MMP8: variants seen among roughly 807,000 people sequenced by gnomAD.
MMP8 encodes the protein matrix metallopeptidase 8.
A neutral mutation model predicts 51.2 loss-of-function variants in MMP8; 67 were observed. The observed-to-expected ratio is 1.31, with a 90% CI of 1.08 to 1.60. The LOEUF (loss-of-function observed/expected upper bound fraction) is 1.60, where lower values mean the gene tolerates loss of function less well. Among genes scored for constraint, MMP8 ranks in the 40% most tolerant of loss-of-function variants. The pLI, the probability that MMP8 is intolerant of heterozygous loss-of-function variation, is 0.00. For missense variants in MMP8, 654 were observed against 558.1 expected (o/e 1.17, Z -1.73); for synonymous variants, 225 against 191.0 (o/e 1.18, Z -1.47).
rs1861178396 is a variant in MMP8, at chr11:102,713,287, A to C, written c.*61T>G. Reference sequence around the variant, plus strand: ...TATAAGCAGGACACAATGTAACGAAAATGCTTGCTGAACTTCCCTTCAACA... The same window carrying C: ...TATAAGCAGGACACAATGTAACGAACATGCTTGCTGAACTTCCCTTCAACA... On this transcript the variant is annotated 3_prime_UTR_variant, in exon 10 of 10. Transcript: ENST00000236826. 8.6e-7 allele frequency: 1 copy of C among 1,164,258 alleles called. No homozygotes were observed. Among genetic ancestry groups the C allele is most frequent in the South Asian group, 1.2e-5 (1 of 81,458 alleles). 72.1% of individuals were successfully genotyped at this position (1,164,258 alleles called of 1,614,324 possible).
intron 5 of MMP8, among the ~76,000 whole-genome samples, chr11:102,717,364 CT>C (rs1167994575): frequency 6.6e-6 from 1 of 152,124 alleles, no homozygotes; most frequent in Non-Finnish European, 1.5e-5. Flanking sequence ...AAAAAAGTTT[CT>C]TTTTTTCTCT....
chr11:102,723,473 C>A (rs764562373), intron 1 of MMP8: 8 of 453,378 alleles, frequency 1.8e-5, no homozygotes, highest in Non-Finnish European at 3.1e-5. Context: ...GGCTGATTTT[C>A]TCTCACAATT....
intron 1 of MMP8, among the ~76,000 whole-genome samples, chr11:102,723,304 C>T (rs1215134962): frequency 6.6e-6 from 1 of 152,168 alleles, no homozygotes; most frequent in African/African-American, 2.4e-5. Context: ...TAAAAATTAC[C>T]TATTTTAAGT....
At position 102,721,526 on chromosome 11, in the gene MMP8, T is replaced by C; in HGVS notation, c.497A>G (p.Asp166Gly). ...ADINIAFYQR[D>G]HGDNSPFDGP... ...ATCAAATGGAGAATTGTCACCGTGA[T>C]CTGAAATAAGAACATTTGTATTAGA... The change falls in exon 4 of 10, where the codon GAT becomes GGT. Residue 166 changes from aspartate (D) to glycine (G), a missense_variant and splice_region_variant. Physicochemically the swap from Asp to Gly is moderately conservative, Grantham distance 94. Coordinates refer to ENST00000236826, the MANE Select transcript of MMP8 (RefSeq NM_002424.3). 2 of 1,613,852 alleles carry C rather than the reference T, an allele frequency of 1.2e-6. No individual in the cohort carries two copies. Among genetic ancestry groups the C allele is most frequent in the Non-Finnish European group, 1.7e-6 (2 of 1,179,814 alleles).
rs1371117816 is a variant in MMP8 at position 102,713,861 on chromosome 11, G to A, written c.1191-4C>T. 1.3e-6 allele frequency: 2 copies of A among 1,596,842 alleles called. No individual in the cohort carries two copies. The highest frequency in any genetic ancestry group is 1.7e-6 in the Non-Finnish European group (2 of 1,172,930). ...GAATTGTCTTTGGTTATCATATCTG[G>A]TAAAAACAAAATGTTATCCGATTTA... is the stretch of plus-strand genomic sequence containing the variant. On this transcript the variant is annotated splice_region_variant and splice_polypyrimidine_tract_variant and intron_variant, in intron 8 of 9. Coordinates refer to ENST00000236826, the MANE Select transcript of MMP8 (RefSeq NM_002424.3).
At chr11:102,722,764 T>C in intron 1 of MMP8, 91 bp from the exon 2 acceptor site, 1 of 1,517,438 alleles carries the variant, frequency 6.6e-7, no homozygotes, top group Non-Finnish European at 8.9e-7. Flanking sequence ...ACTACAGAGG[T>C]CTGATAACTT....
intron 6 of MMP8, 76 bp from the exon 7 acceptor site, chr11:102,715,513 C>A: frequency 6.5e-7 from 1 of 1,527,634 alleles, no homozygotes; most frequent in South Asian, 1.3e-5. Flanking sequence ...GACTTTTAGG[C>A]TAGTGATGGT....
chr11:102,721,703 G>T lies in MMP8; in HGVS notation c.407C>A (p.Ala136Asp), dbSNP rs753271060. ...TGATGCAACACTCCAGAGTTCAAAGGCATCCTTGATAGCTCTTTCTACCTC... is the reference window on the plus strand; with the variant it reads ...TGATGCAACACTCCAGAGTTCAAAGTCATCCTTGATAGCTCTTTCTACCTC... ...EAEVERAIKD[A>D]FELWSVASPL... The change falls in exon 3 of 10, where the codon GCC (alanine) becomes GAC (aspartate). Residue 136 changes from alanine (A) to aspartate (D), a missense_variant. Coordinates refer to ENST00000236826, the MANE Select transcript of MMP8 (RefSeq NM_002424.3). 3.7e-6 allele frequency: 6 copies of T among 1,613,796 alleles called. No homozygotes were observed. Among genetic ancestry groups the T allele is most frequent in the Admixed American group, 1.7e-5 (1 of 59,942 alleles).
At position 102,718,418 on chromosome 11, in the gene MMP8, G is replaced by C; in HGVS notation, c.780C>G (p.Ile260Met). 6.2e-7 allele frequency: 1 copy of C among 1,610,430 alleles called. No individual in the cohort carries two copies. Among genetic ancestry groups the C allele is most frequent in the Non-Finnish European group, 8.5e-7 (1 of 1,178,204 alleles). Residue 260 changes from isoleucine to methionine, a missense_variant, in exon 5 of 10, where the codon ATC (isoleucine) becomes ATG (methionine). Ile to Met is a conservative substitution (Grantham distance 10). Transcript: ENST00000236826. ...ACTCTCTTGAGAAGACCTTACCATA[G>C]ATGGCCTGAATGCCATCGATGTCAT... ...PQDDIDGIQAIYGLSSNPIQP... is the reference protein window; with the variant it reads ...PQDDIDGIQAMYGLSSNPIQP...
chr11:102,719,779 C>T (rs1861414891), intron 4 of MMP8, among the ~76,000 whole-genome samples: 1 of 152,158 alleles, frequency 6.6e-6, no homozygotes, highest in Non-Finnish European at 1.5e-5. Flanking sequence ...TGTTGTGGTT[C>T]TCTGCTCTAC....
chr11:102,721,506 A>C lies in MMP8; in HGVS notation c.517T>G (p.Phe173Val), dbSNP rs1861470044. ...YQRDHGDNSPFDGPNGILAHA... is the reference protein window; with the variant it reads ...YQRDHGDNSPVDGPNGILAHA... ...GCAAGGATTCCATTGGGTCCATCAA[A>C]TGGAGAATTGTCACCGTGATCTGAA... Residue 173 changes from phenylalanine to valine, a missense_variant, in exon 4 of 10, where the codon TTT becomes GTT. Transcript: ENST00000236826. The C allele has an allele frequency of 6.2e-7, 1 of 1,613,762 alleles. No homozygotes were observed. The highest frequency in any genetic ancestry group is 1.3e-5 in the African/African-American group (1 of 74,896).
At position 102,712,239 on chromosome 11, in the gene MMP8, G is replaced by A. The variant is rs12366109; in HGVS notation, c.*1109C>T. The A allele has an allele frequency of 0.18, 27,155 of 152,170 alleles. 3,125 individuals carry two copies. The highest frequency in any genetic ancestry group is 0.25 in the Non-Finnish European group (17,258 of 67,990). The allele number at this position is 152,170 out of a possible 1,614,324, so 9.4% of individuals were successfully genotyped here. A position where few individuals can be genotyped will look rare whatever the true frequency, so the allele number is the denominator to read the frequency against. On this transcript the variant is annotated 3_prime_UTR_variant, in exon 10 of 10. Transcript: ENST00000236826. ...AACATCAGATCCAACTGGCCCATTTGGGTTTGGACTCTAGGAGAGAGCAAG... is the reference window on the plus strand; with the variant it reads ...AACATCAGATCCAACTGGCCCATTTAGGTTTGGACTCTAGGAGAGAGCAAG...
At chr11:102,714,765 TATATATATATATA>T in intron 7 of MMP8, 56 bp from the exon 8 acceptor site, 1 of 9,012 alleles carries the variant, frequency 1.1e-4, no homozygotes, top group Non-Finnish European at 2.0e-4. Context: ...TACAAAATTA[TATATATATATATA>T]TATATATATA....
chr11:102,714,362 C>T (rs1861217342), intron 8 of MMP8, among the ~76,000 whole-genome samples, 194 bp downstream of exon 8: 1 of 152,040 alleles, frequency 6.6e-6, no homozygotes, highest in South Asian at 2.1e-4. Context: ...ATTGCATAGA[C>T]ATTTTAATTT....
rs1939017 is a variant in MMP8 at position 102,712,302 on chromosome 11, T to A, written c.*1046A>T. 35,042 of 152,348 alleles carry A rather than the reference T, an allele frequency of 0.23. 5,016 individuals are homozygous for A. The highest frequency in any genetic ancestry group is 0.51 in the East Asian group (2,610 of 5,158). 9.4% of individuals were successfully genotyped at this position (152,348 alleles called of 1,614,324 possible). A position where few individuals can be genotyped will look rare whatever the true frequency, so the allele number is the denominator to read the frequency against. On this transcript the variant is annotated 3_prime_UTR_variant, in exon 10 of 10. Transcript: ENST00000236826. ...GAGGAAGTGGTGGTTCTCTTTTGGC[T>A]GCTGTCCTGGGAAGATGCCCAGTAG...
In MMP8 at chr11:102,713,456, A is replaced by G. The variant is rs761114706; in HGVS notation, c.1296T>C (p.His432=). The stretch of plus-strand genomic sequence containing the variant: ...TTGGTCCACTGAAGACATGGAAGAA[A>G]TCTATAAAAAAAGAGAGATAATTTA... ...SKVDAVFQQE[H]FFHVFSGPRY... is the part of the protein sequence containing the mutation. Residue 432 remains histidine (H), a splice_region_variant and synonymous_variant, in exon 10 of 10, where the codon CAT becomes CAC. Coordinates refer to ENST00000236826, the MANE Select transcript of MMP8 (RefSeq NM_002424.3). 1 of 1,603,744 alleles carries G rather than the reference A, an allele frequency of 6.2e-7. No individual in the cohort carries two copies. Among genetic ancestry groups the G allele is most frequent in the East Asian group, 2.2e-5 (1 of 44,770 alleles).
chr11:102,719,510 T>A (rs1448706005), intron 4 of MMP8, among the ~76,000 whole-genome samples: 1 of 151,934 alleles, frequency 6.6e-6, no homozygotes, highest in Non-Finnish European at 1.5e-5. Context: ...AAGTGACTGA[T>A]GCCCATAGAT....
At chr11:102,724,123 G>A (rs1379382883) in intron 1 of MMP8, among the ~76,000 whole-genome samples, 1 of 152,114 alleles carries the variant, frequency 6.6e-6, no homozygotes, top group Non-Finnish European at 1.5e-5. Flanking sequence ...AAACTATAAT[G>A]CTAAGAAAAC....
Position 102,715,363 on chromosome 11 carries a change from G to T in MMP8, c.977C>A (p.Pro326Gln), listed in dbSNP as rs768665502. 5 of 1,613,676 alleles carry T rather than the reference G, an allele frequency of 3.1e-6. No individual in the cohort carries two copies. The highest frequency in any genetic ancestry group is 4.2e-6 in the Non-Finnish European group (5 of 1,179,776). The change falls in exon 7 of 10, where the codon CCA becomes CAA. Residue 326 changes from proline to glutamine, a missense_variant. Physicochemically the swap from Pro to Gln is moderately conservative, Grantham distance 76. Transcript: ENST00000236826. Reference protein sequence around the residue: ...NFISLFWPSLPTGIQAAYEDF... With the variant: ...NFISLFWPSLQTGIQAAYEDF... ...TTCATAAGCAGCCTGTATACCAGTTGGAAGGGATGGCCAGAATAGAGAAAT... is the reference window on the plus strand; with the variant it reads ...TTCATAAGCAGCCTGTATACCAGTTTGAAGGGATGGCCAGAATAGAGAAAT...
Sources: allele counts gnomAD v4.1 joint callset (sites outside exome capture counted in the v4.1 genomes callset), GRCh38; gene constraint gnomAD v4.1.1; transcripts MANE v1.5; gene names NCBI Gene and HGNC (gene_info 2026-07-23, HGNC 2026-07-21).